The following DMXL2 variants were observed in gnomAD, a reference collection of about 807,000 sequenced individuals.
DMXL2 encodes Dmx like 2.
DMXL2 carries 103 observed loss-of-function variants against 331.1 expected under a neutral mutation model. The observed-to-expected ratio is 0.31, with a 90% CI of 0.27 to 0.37. DMXL2 has a LOEUF of 0.37. Ranked by LOEUF, DMXL2 falls within the 10% of genes least tolerant of loss-of-function variation. The pLI, the probability that DMXL2 is intolerant of heterozygous loss-of-function variation, is 1.00. For missense variants in DMXL2, 3,171 were observed against 3,642.9 expected (o/e 0.87, Z 3.33); for synonymous variants, 1,281 against 1,252.1 (o/e 1.02, Z -0.49).
rs773571128 is a variant in DMXL2, at chr15:51,455,177, T to C, written c.8578A>G (p.Thr2860Ala). 27 of 1,613,956 alleles carry C rather than the reference T, an allele frequency of 1.7e-5. No homozygotes were observed. Among genetic ancestry groups the C allele is most frequent in the Non-Finnish European group, 2.2e-5 (26 of 1,179,974 alleles). Residue 2860 changes from threonine to alanine, a missense_variant, in exon 40 of 44, where the codon ACT (threonine) becomes GCT (alanine). Coordinates refer to ENST00000560891, the MANE Select transcript of DMXL2 (RefSeq NM_001378457.1). The stretch of plus-strand genomic sequence containing the variant: ...ATATAAGGTTTAGGATTTGATGCAG[T>C]TTGGTTAACTTGCCAGATACTCAGA... ...GFLSIWQVNQ[T>A]ASNPKPYMSW... is the part of the protein sequence containing the mutation.
chr15:51,611,341 A>G (rs750018695), intron 1 of DMXL2, among the ~76,000 whole-genome samples: 1 of 152,088 alleles, frequency 6.6e-6, no homozygotes, highest in Non-Finnish European at 1.5e-5. Context: ...TATACTCATA[A>G]ATTTGAAAAT....
chr15:51,517,057 A>C, intron 14 of DMXL2, 21 bp downstream of exon 14: 2 of 1,591,018 alleles, frequency 1.3e-6, no homozygotes, highest in Non-Finnish European at 1.7e-6. Context: ...GAATATCACC[A>C]ATTCACAAGC....
chr15:51,478,383 A>G (rs752269724), intron 25 of DMXL2, 36 bp from the exon 26 acceptor site: 1 of 1,571,996 alleles, frequency 6.4e-7, no homozygotes, highest in South Asian at 1.1e-5. Flanking sequence ...ATTTTGTACT[A>G]ACATTTCTAC....
chr15:51,614,787 T>C (rs1380961015), intron 1 of DMXL2, among the ~76,000 whole-genome samples: 3 of 151,916 alleles, frequency 2.0e-5, no homozygotes, highest in Non-Finnish European at 4.4e-5. Flanking sequence ...TTATTCTGAG[T>C]GGAAAAAAAA....
rs549304169 is a variant in DMXL2 at position 51,472,930 on chromosome 15, A to G, written c.7213+1414T>C. ...TCACCTCCTCTCTTTAGAACAACTA[A>G]CGCTTTTACCATGATCCTAAAGGAA... is the stretch of plus-strand genomic sequence containing the variant. On this transcript the variant is annotated intron_variant, in intron 28 of 43. Coordinates refer to ENST00000560891, the MANE Select transcript of DMXL2 (RefSeq NM_001378457.1). Among the ~76,000 whole-genome samples, 7 of 152,174 alleles carry G rather than the reference A, an allele frequency of 4.6e-5. No individual in the cohort carries two copies. In the South Asian group the frequency reaches 1.5e-3, roughly 32 times the overall value.
chr15:51,476,445 C>T, intron 27 of DMXL2, 144 bp downstream of exon 27: 3 of 922,774 alleles, frequency 3.3e-6, no homozygotes, highest in South Asian at 3.2e-5. Flanking sequence ...GTTCCTAATC[C>T]ATAGCAGAAA....
intron 25 of DMXL2, among the ~76,000 whole-genome samples, chr15:51,478,916 T>C (rs1035198149): frequency 1.5e-4 from 19 of 123,188 alleles, no homozygotes; most frequent in African/African-American, 5.3e-4. Context: ...AATTTCTCCA[T>C]ATAATTAAAA....
rs895682714 is a variant in DMXL2 at position 51,542,604 on chromosome 15, T to C, written c.931-97A>G. 7 of 937,482 alleles carry C rather than the reference T, an allele frequency of 7.5e-6. No homozygotes were observed. In the South Asian group the frequency reaches 1.5e-4, roughly 20 times the overall value. 58.1% of individuals were successfully genotyped at this position (937,482 alleles called of 1,614,324 possible). On this transcript the variant is annotated intron_variant, in intron 8 of 43. Coordinates refer to ENST00000560891, the MANE Select transcript of DMXL2 (RefSeq NM_001378457.1). ...TATTAAGAGGTTTAAGATTTTTTTC[T>C]CCATAAAAACCTGATCATTTTAAAG...
rs1488081745 is a variant in DMXL2, at chr15:51,474,608, A to C, written c.6965-16T>G. 1 of 1,581,826 alleles carries C rather than the reference A, an allele frequency of 6.3e-7. No homozygotes were observed. The highest frequency in any genetic ancestry group is 2.3e-5 in the East Asian group (1 of 44,180). Reference sequence around the variant, plus strand: ...GAGCTCACACCTATAAGGGTATATAAAATCATAAGACGTATGTCAGGATGA... The same window carrying C: ...GAGCTCACACCTATAAGGGTATATACAATCATAAGACGTATGTCAGGATGA... On this transcript the variant is annotated splice_polypyrimidine_tract_variant and intron_variant, in intron 27 of 43. Transcript: ENST00000560891.
At chr15:51,495,855 CAA>C (rs1429784871) in intron 18 of DMXL2, among the ~76,000 whole-genome samples, 1 of 150,714 alleles carries the variant, frequency 6.6e-6, no homozygotes, top group African/African-American at 2.4e-5. Context: ...AAAAAAAAAA[CAA>C]AAACTTTTAA....
intron 1 of DMXL2, among the ~76,000 whole-genome samples, chr15:51,608,532 T>C (rs1449411460): frequency 6.6e-6 from 1 of 152,062 alleles, no homozygotes. Flanking sequence ...CATTTATAAG[T>C]GGAAGCTAAA....
In DMXL2 at chr15:51,455,157, A is replaced by G. The variant is rs765401565; in HGVS notation, c.8598T>C (p.Pro2866=). 3.7e-6 allele frequency: 6 copies of G among 1,613,518 alleles called. No individual in the cohort carries two copies. In the East Asian group the frequency reaches 1.3e-4, roughly 36 times the overall value. ...AACATTTAGTGATACTTACCATATA[A>G]GGTTTAGGATTTGATGCAGTTTGGT... ...QVNQTASNPK[P]YMSWQCHSKA... The change falls in exon 40 of 44, where the codon CCT becomes CCC. Residue 2866 remains proline (P), a synonymous_variant. Coordinates refer to ENST00000560891, the MANE Select transcript of DMXL2 (RefSeq NM_001378457.1).
At chr15:51,479,022 T>C (rs1347213798) in intron 25 of DMXL2, among the ~76,000 whole-genome samples, 2 of 152,174 alleles carry the variant, frequency 1.3e-5, no homozygotes, top group Admixed American at 1.3e-4. Flanking sequence ...TTTCATACCT[T>C]ATACAGATTA....
chr15:51,610,622 G>A (rs1161742423), intron 1 of DMXL2, among the ~76,000 whole-genome samples: 1 of 152,034 alleles, frequency 6.6e-6, no homozygotes, highest in Non-Finnish European at 1.5e-5. Flanking sequence ...CAAAAAATTA[G>A]CCGGGCATGG....
intron 1 of DMXL2, among the ~76,000 whole-genome samples, chr15:51,610,593 C>A (rs1355502750): frequency 6.6e-6 from 1 of 151,912 alleles, no homozygotes; most frequent in Non-Finnish European, 1.5e-5. Flanking sequence ...ATGGTGAAAC[C>A]CCGTCTCCAA....
At chr15:51,618,952 G>GA (rs1304093208) in intron 1 of DMXL2, among the ~76,000 whole-genome samples, 1 of 152,102 alleles carries the variant, frequency 6.6e-6, no homozygotes, top group East Asian at 1.9e-4. Context: ...TGTCACACTG[G>GA]AATAATAGTA....
intron 2 of DMXL2, among the ~76,000 whole-genome samples, chr15:51,569,877 C>T (rs1353693904): frequency 2.6e-5 from 4 of 152,084 alleles, no homozygotes; most frequent in African/African-American, 9.7e-5. Flanking sequence ...ACCAGAACAC[C>T]TCTTCTCCTC....
chr15:51,475,146 T>C (rs552782162), intron 27 of DMXL2, among the ~76,000 whole-genome samples: 1 of 152,154 alleles, frequency 6.6e-6, no homozygotes, highest in Non-Finnish European at 1.5e-5. Context: ...GAAAGACACA[T>C]CTTTTTTGTG....
intron 14 of DMXL2, among the ~76,000 whole-genome samples, chr15:51,516,250 T>C (rs549495576): frequency 6.6e-6 from 1 of 152,284 alleles, no homozygotes; most frequent in East Asian, 1.9e-4. Flanking sequence ...AAGAAACAAA[T>C]ATCCTGAGGG....
Sources: allele counts gnomAD v4.1 joint callset (sites outside exome capture counted in the v4.1 genomes callset), GRCh38; gene constraint gnomAD v4.1.1; transcripts MANE v1.5; gene names NCBI Gene and HGNC (gene_info 2026-07-23, HGNC 2026-07-21).